Variants in MYRIP observed in about 807,000 individuals in gnomAD.
The protein encoded by MYRIP is rab effector MyRIP.
In MYRIP, 49 loss-of-function variants were observed where a neutral mutation model predicts 98.0. The ratio of observed to expected loss-of-function variants is 0.50; its 90% CI spans 0.40 to 0.63. MYRIP has a LOEUF of 0.63. Ranked by LOEUF, MYRIP falls within the 30% of genes least tolerant of loss-of-function variation. MYRIP has a pLI of 0.00. For synonymous variants in MYRIP, 404 were observed against 409.5 expected, an observed-to-expected ratio of 0.99 and a Z score of 0.16; for missense variants, 1,004 against 1,058.2, an observed-to-expected ratio of 0.95 and a Z score of 0.71.
At chr3:40,157,083 G>A (rs1317474846) in intron 4 of MYRIP, among the ~76,000 whole-genome samples, 1 of 148,992 alleles carries the variant, frequency 6.7e-6, no homozygotes, top group South Asian at 2.1e-4. Flanking sequence ...AGTTTTCAAA[G>A]GGAATGCTTC....
At chr3:40,116,858 A>G (rs1949292984) in intron 3 of MYRIP, among the ~76,000 whole-genome samples, 1 of 152,226 alleles carries the variant, frequency 6.6e-6, no homozygotes, top group African/African-American at 2.4e-5. Flanking sequence ...ATCTCATAAC[A>G]TTATTGATTT....
rs561175433 is a variant in MYRIP at position 40,027,679 on chromosome 3, C to T, written c.111-16371C>T. 4.6e-5 allele frequency among the ~76,000 whole-genome samples: 7 copies of T among 152,114 alleles called. 1 individual carries two copies. The South Asian group carries it at 1.5e-3, about 32-fold the overall frequency. On this transcript the variant is annotated intron_variant, in intron 2 of 16. Transcript: ENST00000302541. ...GTTTAATTATTTATCATCTGAATTCCTACCTTAATGCACATTTTATGAAGA... is the reference window on the plus strand; with the variant it reads ...GTTTAATTATTTATCATCTGAATTCTTACCTTAATGCACATTTTATGAAGA...
chr3:40,218,616 A>T (rs1444378212), intron 11 of MYRIP, among the ~76,000 whole-genome samples: 4 of 8,182 alleles, frequency 4.9e-4, no homozygotes, highest in East Asian at 8.8e-3. Context: ...TATATTTTAT[A>T]TATATATATA....
At chr3:40,070,902 G>A (rs1370129994) in intron 3 of MYRIP, among the ~76,000 whole-genome samples, 4 of 152,180 alleles carry the variant, frequency 2.6e-5, no homozygotes, top group Admixed American at 6.5e-5. Flanking sequence ...TCTAAAAAGT[G>A]TCTTCCCCCA....
chr3:39,982,350 T>G (rs73827309), intron 2 of MYRIP, among the ~76,000 whole-genome samples: 5 of 152,278 alleles, frequency 3.3e-5, no homozygotes, highest in Admixed American at 6.5e-5. Context: ...GTATGTACGA[T>G]GAGAAATTGG....
intron 15 of MYRIP, among the ~76,000 whole-genome samples, chr3:40,251,113 T>A (rs1048226318): frequency 1.3e-5 from 2 of 152,212 alleles, no homozygotes; most frequent in African/African-American, 4.8e-5. Flanking sequence ...GTCGCCTTTA[T>A]CTAATGGACA....
At chr3:40,214,137 A>C (rs1231128684) in intron 11 of MYRIP, among the ~76,000 whole-genome samples, 1 of 152,202 alleles carries the variant, frequency 6.6e-6, no homozygotes, top group African/African-American at 2.4e-5. Flanking sequence ...GCCTAGACTA[A>C]GACAAACAGA....
intron 2 of MYRIP, among the ~76,000 whole-genome samples, chr3:39,977,493 C>T (rs1202453512): frequency 6.6e-6 from 1 of 152,174 alleles, no homozygotes; most frequent in Admixed American, 6.5e-5. Flanking sequence ...GATGTTTGTT[C>T]AGTTCCTGCA....
Position 40,027,608 on chromosome 3 carries a change from A to C in MYRIP, c.111-16442A>C, listed in dbSNP as rs371310079. 2.6e-5 allele frequency among the ~76,000 whole-genome samples: 4 copies of C among 152,124 alleles called. No homozygotes were observed. The East Asian group carries it at 7.7e-4, about 29-fold the overall frequency. On this transcript the variant is annotated intron_variant, in intron 2 of 16. Transcript: ENST00000302541. ...ATGTTATCTTCAGTCTGAGTATCCTACTTATTCTTATGAGAATACCTCATA... is the reference window on the plus strand; with the variant it reads ...ATGTTATCTTCAGTCTGAGTATCCTCCTTATTCTTATGAGAATACCTCATA...
chr3:40,018,024 A>T (rs992709394), intron 2 of MYRIP, among the ~76,000 whole-genome samples: 2 of 152,104 alleles, frequency 1.3e-5, no homozygotes, highest in African/African-American at 4.8e-5. Context: ...TGAACTTTAA[A>T]CTAGAAGTTT....
chr3:39,987,159 C>T (rs1309560171), intron 2 of MYRIP, among the ~76,000 whole-genome samples: 1 of 152,050 alleles, frequency 6.6e-6, no homozygotes, highest in African/African-American at 2.4e-5. Context: ...CCTCCCTTTG[C>T]CCTCTACCCC....
At chr3:40,179,669 C>T (rs1950843213) in intron 8 of MYRIP, among the ~76,000 whole-genome samples, 1 of 152,204 alleles carries the variant, frequency 6.6e-6, no homozygotes, top group Non-Finnish European at 1.5e-5. Context: ...AGGGCCAGCA[C>T]TGTGTCTTAC....
At chr3:39,920,664 T>G (rs1944284373) in intron 2 of MYRIP, among the ~76,000 whole-genome samples, 1 of 152,220 alleles carries the variant, frequency 6.6e-6, no homozygotes, top group Non-Finnish European at 1.5e-5. Flanking sequence ...AAGAGTGAAT[T>G]TCTGAGAAAA....
At chr3:39,832,760 T>C (rs1301029242) in intron 1 of MYRIP, among the ~76,000 whole-genome samples, 1 of 152,180 alleles carries the variant, frequency 6.6e-6, no homozygotes, top group Non-Finnish European at 1.5e-5. Flanking sequence ...TCTATGCCAA[T>C]TTTTCCCCAT....
chr3:40,162,732 G>C lies in MYRIP; in HGVS notation c.472G>C (p.Gly158Arg). The C allele has an allele frequency of 6.2e-7, 1 of 1,613,968 alleles. No individual in the cohort carries two copies. The highest frequency in any genetic ancestry group is 8.5e-7 in the Non-Finnish European group (1 of 1,179,896). ...ESGACFDILGGSLFESNLENE... is the reference protein window; with the variant it reads ...ESGACFDILGRSLFESNLENE... ...TTCTCCCACCCCTACCCTGCCAGGA[G>C]GAAGCCTTTTTGAGTCAAACCTGGA... The change falls in exon 5 of 17, where the codon GGA (glycine) becomes CGA (arginine). Residue 158 changes from glycine to arginine, a missense_variant and splice_region_variant. By Grantham distance (125) the Gly-to-Arg change is moderately radical. This residue lies in a region of MYRIP where 880 missense variants were observed against 907.7 expected (regional missense o/e 0.97). Transcript: ENST00000302541.
At chr3:40,073,681 G>T (rs906012862) in intron 3 of MYRIP, among the ~76,000 whole-genome samples, 1 of 152,212 alleles carries the variant, frequency 6.6e-6, no homozygotes, top group East Asian at 1.9e-4. Flanking sequence ...GCTATATTCT[G>T]ACAAGTTAAT....
intron 2 of MYRIP, among the ~76,000 whole-genome samples, chr3:39,973,525 C>T (rs62264377): frequency 6.6e-6 from 1 of 151,994 alleles, no homozygotes; most frequent in Non-Finnish European, 1.5e-5. Flanking sequence ...TATCCAGGAA[C>T]TGAACTCAGC....
intron 3 of MYRIP, among the ~76,000 whole-genome samples, chr3:40,066,008 G>A (rs1948119406): frequency 6.6e-6 from 1 of 152,158 alleles, no homozygotes; most frequent in Non-Finnish European, 1.5e-5. Flanking sequence ...ATCTGCTCCT[G>A]CCATGAACTC....
Position 40,218,627 on chromosome 3 carries a change from TATATATA to T in MYRIP, c.1905+8535_1905+8541del, listed in dbSNP as rs1559460552. Among the ~76,000 whole-genome samples the T allele has an allele frequency of 9.1e-3, 154 of 16,916 alleles. 5 individuals are homozygous for T. Among genetic ancestry groups the T allele is most frequent in the African/African-American group, 0.012 (139 of 11,142 alleles). 11.1% of individuals were successfully genotyped at this position (16,916 alleles called of 152,430 possible). A position where few individuals can be genotyped will look rare whatever the true frequency, so the allele number is the denominator to read the frequency against. ...TATATATATTTTATATATATATATA[TATATATA>T]TATATATATATATATATATATACAT... is the stretch of plus-strand genomic sequence containing the variant. On this transcript the variant is annotated intron_variant, in intron 11 of 16. Coordinates refer to ENST00000302541, the MANE Select transcript of MYRIP (RefSeq NM_015460.4).
Sources: gnomAD v4.1 joint callset for allele counts (sites outside exome capture counted in the v4.1 genomes callset) on GRCh38, gnomAD v4.1.1 for gene constraint, gnomAD v4.1.1 regional missense constraint, MANE v1.5 for transcripts, NCBI Gene and HGNC (gene_info 2026-07-23, HGNC 2026-07-21) for gene names.